Variants in DNAH8 observed in about 807,000 individuals in gnomAD.
The protein encoded by DNAH8 is dynein axonemal heavy chain 8, also known as axonemal beta dynein heavy chain 8.
A neutral mutation model predicts 562.1 loss-of-function variants in DNAH8; 382 were observed. The ratio of observed to expected loss-of-function variants is 0.68; its 90% CI spans 0.63 to 0.74. The LOEUF (loss-of-function observed/expected upper bound fraction) is 0.74, where lower values mean the gene tolerates loss of function less well. DNAH8 is among the 30% of genes least tolerant of loss of function. The pLI, the probability that DNAH8 is intolerant of heterozygous loss-of-function variation, is 0.00. For synonymous variants in DNAH8, 1,881 were observed against 1,919.4 expected (o/e 0.98, Z 0.52); for missense variants, 5,203 against 5,620.4 (o/e 0.93, Z 2.37).
In DNAH8 at chr6:38,936,024, A is replaced by ATT. The variant is rs397958545; in HGVS notation, c.11563+342_11563+343dup. On this transcript the variant is annotated intron_variant, in intron 77 of 92. Transcript: ENST00000327475. ...CCAAAGAAACTAATGTGCTCAATCT[A>ATT]TTTTTTTTTTTTTTTTGAGACAGAG... Among the ~76,000 whole-genome samples the ATT allele has an allele frequency of 2.3e-3, 324 of 140,098 alleles. 3 individuals are homozygous for ATT. The highest frequency in any genetic ancestry group is 0.015 in the Middle Eastern group (4 of 266). The allele number at this position is 140,098 out of a possible 152,430, so 91.9% of individuals were successfully genotyped here. A position where few individuals can be genotyped will look rare whatever the true frequency, so the allele number is the denominator to read the frequency against.
intron 52 of DNAH8, 128 bp from the exon 53 acceptor site, chr6:38,875,463 C>T: frequency 1.7e-6 from 1 of 588,924 alleles, no homozygotes. Context: ...GGACGGTGAT[C>T]AAGCAATAGC....
chr6:38,932,059 G>C (rs938470497), intron 76 of DNAH8, 66 bp downstream of exon 76: 56 of 1,261,404 alleles, frequency 4.4e-5, no homozygotes, highest in Non-Finnish European at 5.2e-5. Context: ...TTGAGAAATT[G>C]CTAAGTATGT....
chr6:39,025,310 C>T (rs1214646102), intron 91 of DNAH8, among the ~76,000 whole-genome samples: 1 of 152,204 alleles, frequency 6.6e-6, no homozygotes, highest in East Asian at 1.9e-4. Context: ...TTCATAATGA[C>T]AACGTTGTGT....
chr6:38,756,881 T>C (rs1457370655), intron 10 of DNAH8, among the ~76,000 whole-genome samples: 1 of 152,160 alleles, frequency 6.6e-6, no homozygotes, highest in Non-Finnish European at 1.5e-5. Context: ...TAGTATTCCA[T>C]GGTGTGTATG....
chr6:38,756,025 C>T lies in DNAH8; in HGVS notation c.1461C>T (p.His487=), dbSNP rs543346545. The change falls in exon 10 of 93, where the codon CAC becomes CAT. Residue 487 remains histidine, a synonymous_variant. Coordinates refer to ENST00000327475, the MANE Select transcript of DNAH8 (RefSeq NM_001206927.2). ...QNLINAIRMI[H]GVSRYYNTSE... ...TGATTAATGCCATCAGAATGATTCACGGTGTGTCAAGGTATTATAATACCT... is the reference window on the plus strand; with the variant it reads ...TGATTAATGCCATCAGAATGATTCATGGTGTGTCAAGGTATTATAATACCT... The T allele has an allele frequency of 5.9e-5, 95 of 1,610,584 alleles. No homozygotes were observed. The Admixed American group carries it at 1.3e-3, about 22-fold the overall frequency.
chr6:38,720,501 G>A (rs1337038356), intron 1 of DNAH8, among the ~76,000 whole-genome samples: 5 of 152,140 alleles, frequency 3.3e-5, no homozygotes, highest in Non-Finnish European at 5.9e-5. Flanking sequence ...TACTAGAACC[G>A]AGGCAAACCC....
At position 38,799,796 on chromosome 6, in the gene DNAH8, A is replaced by C. The variant is rs78814870; in HGVS notation, c.2902-3383A>C. Among the ~76,000 whole-genome samples, 292 of 152,150 alleles carry C rather than the reference A, an allele frequency of 1.9e-3. 3 individuals are homozygous for C. The highest frequency in any genetic ancestry group is 0.01 in the East Asian group (53 of 5,166). ...CCTCCCAGCCCCAAGGCAACCCCAA[A>C]TTTCCTTTCTGCTTCTATAGACATG... On this transcript the variant is annotated intron_variant, in intron 21 of 92. Coordinates refer to ENST00000327475, the MANE Select transcript of DNAH8 (RefSeq NM_001206927.2).
chr6:38,803,861 G>C (rs1328164285), intron 22 of DNAH8, among the ~76,000 whole-genome samples: 1 of 151,760 alleles, frequency 6.6e-6, no homozygotes, highest in Non-Finnish European at 1.5e-5. Context: ...ATGGTACCCA[G>C]TTGAAGAGTG....
intron 7 of DNAH8, among the ~76,000 whole-genome samples, chr6:38,740,997 C>A (rs992282529): frequency 2.6e-5 from 4 of 152,116 alleles, no homozygotes; most frequent in African/African-American, 4.8e-5. Flanking sequence ...ATTCTTAATG[C>A]CTTCTGTTTC....
At chr6:38,823,714 A>T in intron 28 of DNAH8, 26 bp downstream of exon 28, 2 of 1,542,522 alleles carry the variant, frequency 1.3e-6, no homozygotes, top group Non-Finnish European at 1.8e-6. Context: ...TTATTATGTA[A>T]AGTATCTGTA....
intron 75 of DNAH8, 84 bp downstream of exon 75, chr6:38,929,750 G>C: frequency 2.4e-6 from 3 of 1,275,606 alleles, no homozygotes; most frequent in Non-Finnish European, 3.1e-6. Flanking sequence ...GAGAAAGAAA[G>C]AAAAGAACAA....
rs1439251275 is a variant in DNAH8 at position 38,842,791 on chromosome 6, A to C, written c.4733A>C (p.His1578Pro). ...ACCAATAAGGCCATGAAACAGAGAC[A>C]CTGGGATAGAATCTCCGAGTTAACT... ...MMTNKAMKQRHWDRISELTGT... is the reference protein window; with the variant it reads ...MMTNKAMKQRPWDRISELTGT... The change falls in exon 35 of 93, where the codon CAC becomes CCC. Residue 1578 changes from histidine (H) to proline (P), a missense_variant. Physicochemically the swap from His to Pro is moderately conservative, Grantham distance 77. Transcript: ENST00000327475. The C allele has an allele frequency of 2.5e-6, 4 of 1,613,910 alleles. No individual in the cohort carries two copies. Among genetic ancestry groups the C allele is most frequent in the Non-Finnish European group, 3.4e-6 (4 of 1,179,936 alleles).
At chr6:38,911,416 T>A in intron 65 of DNAH8, 52 bp from the exon 66 acceptor site, 1 of 1,309,544 alleles carries the variant, frequency 7.6e-7, no homozygotes, top group South Asian at 1.2e-5. Flanking sequence ...GGTGTCGTTT[T>A]ATGGGAGTAC....
intron 66 of DNAH8, among the ~76,000 whole-genome samples, chr6:38,913,346 A>G (rs1006402415): frequency 2.0e-5 from 3 of 152,222 alleles, no homozygotes; most frequent in Admixed American, 6.5e-5. Context: ...TGAGCAATTC[A>G]GTTAACCAGT....
chr6:38,804,867 G>C (rs1378890736), intron 22 of DNAH8, among the ~76,000 whole-genome samples: 1 of 144,640 alleles, frequency 6.9e-6, no homozygotes, highest in Non-Finnish European at 1.5e-5. Context: ...TATTTGGCAA[G>C]GTCTGGAGAC....
chr6:38,889,286 T>C (rs1029966268), intron 57 of DNAH8, among the ~76,000 whole-genome samples: 4 of 152,132 alleles, frequency 2.6e-5, no homozygotes, highest in Admixed American at 1.3e-4. Flanking sequence ...AGGAAAAATA[T>C]AATTCCATTA....
At chr6:38,935,834 A>T (rs947507461) in intron 77 of DNAH8, 137 bp downstream of exon 77, 2 of 602,598 alleles carry the variant, frequency 3.3e-6, no homozygotes, top group Middle Eastern at 4.7e-4. Flanking sequence ...GGCAATTTCC[A>T]TCTAGACATT....
chr6:38,754,069 G>T (rs1002195333), intron 9 of DNAH8, among the ~76,000 whole-genome samples: 4 of 151,974 alleles, frequency 2.6e-5, no homozygotes, highest in Non-Finnish European at 4.4e-5. Flanking sequence ...TCCATTTCTG[G>T]TTCATAAGTT....
chr6:38,769,905 C>T (rs761493055), intron 11 of DNAH8, among the ~76,000 whole-genome samples: 6 of 152,106 alleles, frequency 3.9e-5, no homozygotes, highest in Non-Finnish European at 7.4e-5. Flanking sequence ...CCTACTCTAC[C>T]CAGCAATCTT....
Sources: allele counts gnomAD v4.1 joint callset (sites outside exome capture counted in the v4.1 genomes callset), GRCh38; gene constraint gnomAD v4.1.1; transcripts MANE v1.5; gene names NCBI Gene and HGNC (gene_info 2026-07-23, HGNC 2026-07-21).